Variants in KCNH5 observed in about 807,000 individuals in gnomAD.
KCNH5 encodes the protein voltage-gated delayed rectifier potassium channel KCNH5.
Under a neutral mutation model 96.1 loss-of-function variants are expected in KCNH5, and 46 were observed. The observed-to-expected ratio is 0.48, with a 90% CI of 0.38 to 0.61. The LOEUF (loss-of-function observed/expected upper bound fraction) is 0.61. Ranked by LOEUF, KCNH5 falls within the 20% of genes least tolerant of loss-of-function variation. The pLI, the probability that KCNH5 is intolerant of heterozygous loss-of-function variation, is 0.00. For synonymous variants in KCNH5, 439 were observed against 449.8 expected, an observed-to-expected ratio of 0.98 and a Z score of 0.30; for missense variants, 907 against 1,225.8, an observed-to-expected ratio of 0.74 and a Z score of 3.88.
intron 6 of KCNH5, among the ~76,000 whole-genome samples, chr14:62,959,193 C>T (rs911904487): frequency 8.6e-5 from 13 of 152,036 alleles, no homozygotes; most frequent in African/African-American, 2.9e-4. Context: ...CCCATTTACC[C>T]ACAACTCGGC....
In KCNH5 at chr14:63,016,881, T is replaced by C. The variant is rs752798442; in HGVS notation, c.147A>G (p.Lys49=). The C allele has an allele frequency of 1.8e-5, 29 of 1,611,006 alleles. No individual in the cohort carries two copies. In the Admixed American group the frequency reaches 4.7e-4, roughly 26 times the overall value. Residue 49 remains lysine, a synonymous_variant, in exon 2 of 11, where the codon AAA becomes AAG. Transcript: ENST00000322893. ...PVVYSNDGFC[K]LSGYHRADVM... is the part of the protein sequence containing the mutation. ...CGTCAGCTCGATGATATCCAGAGAG[T>C]TTACAAAAACCGTCATTACTATAAA...
At chr14:62,748,263 C>A (rs1037548234) in intron 10 of KCNH5, among the ~76,000 whole-genome samples, 1 of 152,140 alleles carries the variant, frequency 6.6e-6, no homozygotes, top group African/African-American at 2.4e-5. Flanking sequence ...ATATAGTCTG[C>A]TACAAGGGTT....
chr14:62,730,532 TTCC>T (rs1482792033), intron 10 of KCNH5, among the ~76,000 whole-genome samples: 2 of 152,228 alleles, frequency 1.3e-5, no homozygotes, highest in East Asian at 3.8e-4. Context: ...ATGACTCACA[TTCC>T]TCTTCTTTAG....
intron 7 of KCNH5, among the ~76,000 whole-genome samples, chr14:62,944,665 C>T (rs1463182873): frequency 2.0e-5 from 3 of 152,206 alleles, no homozygotes; most frequent in Middle Eastern, 6.8e-3. Context: ...GTTGACATTT[C>T]GGGTCTAACA....
rs1465191951 is a variant in KCNH5 at position 62,700,715 on chromosome 14, T to C, written c.*6793A>G. On this transcript the variant is annotated 3_prime_UTR_variant, in exon 11 of 11. Transcript: ENST00000322893. The stretch of plus-strand genomic sequence containing the variant: ...AATGAATCTTTGTTGTGATTTTGCA[T>C]AGTTTACTAGCTAGGTATTCTTCCT... 3 of 152,200 alleles carry C rather than the reference T, an allele frequency of 2.0e-5. No individual in the cohort carries two copies. Among genetic ancestry groups the C allele is most frequent in the Non-Finnish European group, 1.5e-5 (1 of 68,026 alleles). The allele number at this position is 152,200 out of a possible 1,614,324, so 9.4% of individuals were successfully genotyped here.
At chr14:62,924,231 A>G (rs1889431465) in intron 7 of KCNH5, among the ~76,000 whole-genome samples, 1 of 152,006 alleles carries the variant, frequency 6.6e-6, no homozygotes, top group Non-Finnish European at 1.5e-5. Context: ...ACTCAACATC[A>G]TTAGTCATTA....
chr14:62,874,184 A>C (rs941660576), intron 7 of KCNH5, among the ~76,000 whole-genome samples: 68 of 152,198 alleles, frequency 4.5e-4, no homozygotes, highest in African/African-American at 1.6e-3. Context: ...CTTCACAAGG[A>C]AACTCATAAT....
Position 62,736,270 on chromosome 14 carries a change from CA to C in KCNH5, c.2020-27816del, listed in dbSNP as rs1305973832. Among the ~76,000 whole-genome samples, 3 of 152,222 alleles carry C rather than the reference CA, an allele frequency of 2.0e-5. No homozygotes were observed. The East Asian group carries it at 5.8e-4, about 29-fold the overall frequency. ...AAACCTCTTAAACTGTAAGTTAGAT[CA>C]TATTACTCTTCTATTCAAAATCCTC... On this transcript the variant is annotated intron_variant, in intron 10 of 10. Transcript: ENST00000322893.
chr14:62,835,743 A>G (rs893780973), intron 8 of KCNH5, among the ~76,000 whole-genome samples: 5 of 151,972 alleles, frequency 3.3e-5, no homozygotes, highest in African/African-American at 7.2e-5. Context: ...GATCTCCTAT[A>G]AAATACCTTA....
intron 7 of KCNH5, among the ~76,000 whole-genome samples, chr14:62,912,275 A>T (rs1371916990): frequency 6.6e-6 from 1 of 152,152 alleles, no homozygotes; most frequent in Non-Finnish European, 1.5e-5. Context: ...AATAAATAGA[A>T]ATTTGGTTGA....
At chr14:62,873,339 C>T (rs1888298104) in intron 7 of KCNH5, among the ~76,000 whole-genome samples, 1 of 152,042 alleles carries the variant, frequency 6.6e-6, no homozygotes, top group African/African-American at 2.4e-5. Flanking sequence ...AAGGACAGCT[C>T]TTTATATTGT....
At chr14:62,715,868 G>A (rs540415805) in intron 10 of KCNH5, among the ~76,000 whole-genome samples, 4 of 152,106 alleles carry the variant, frequency 2.6e-5, no homozygotes, top group African/African-American at 4.8e-5. Flanking sequence ...GGAAAGGAGG[G>A]ATAGGGAAGG....
intron 1 of KCNH5, among the ~76,000 whole-genome samples, chr14:63,019,820 G>A (rs1891392401): frequency 6.6e-6 from 1 of 151,982 alleles, no homozygotes; most frequent in Non-Finnish European, 1.5e-5. Context: ...AAAAGAAAAT[G>A]TTGATAAATT....
intron 7 of KCNH5, among the ~76,000 whole-genome samples, chr14:62,946,225 A>T (rs552373571): frequency 2.0e-4 from 31 of 152,270 alleles, no homozygotes; most frequent in Admixed American, 9.8e-4. Context: ...ATAGAAAAAC[A>T]GAAATCTAGG....
chr14:62,886,318 C>A (rs1031058873), intron 7 of KCNH5, among the ~76,000 whole-genome samples: 3 of 152,172 alleles, frequency 2.0e-5, no homozygotes, highest in African/African-American at 7.2e-5. Flanking sequence ...CTGTGTAGCA[C>A]GTGAAAATTT....
At chr14:62,806,419 T>C (rs1361757585) in intron 8 of KCNH5, among the ~76,000 whole-genome samples, 1 of 152,058 alleles carries the variant, frequency 6.6e-6, no homozygotes, top group Non-Finnish European at 1.5e-5. Flanking sequence ...TCCTGTAACA[T>C]ATTTCTGGCA....
Position 62,987,199 on chromosome 14 carries a change from GGAAA to G in KCNH5, c.434-16_434-13del. 1 of 1,579,080 alleles carries G rather than the reference GGAAA, an allele frequency of 6.3e-7. No homozygotes were observed. The highest frequency in any genetic ancestry group is 1.3e-5 in the African/African-American group (1 of 74,232). On this transcript the variant is annotated splice_polypyrimidine_tract_variant and intron_variant, in intron 4 of 10. Transcript: ENST00000322893. ...AAATTTCGTCCAACCTTAAAAATAA[GGAAA>G]GAAAGTCTCAGTTTTTCATACAAAT...
chr14:62,960,234 T>C (rs1279009845), intron 6 of KCNH5, among the ~76,000 whole-genome samples: 1 of 152,150 alleles, frequency 6.6e-6, no homozygotes, highest in African/African-American at 2.4e-5. Flanking sequence ...ATTGCTTCCT[T>C]AGGGAACTTT....
At chr14:62,874,439 T>G (rs8021360) in intron 7 of KCNH5, among the ~76,000 whole-genome samples, 3,096 of 152,316 alleles carry the variant, frequency 0.02, 58 homozygotes, top group East Asian at 0.081. Flanking sequence ...CCAGTCAGAA[T>G]GGCGATTATT....
Sources: allele counts gnomAD v4.1 joint callset (sites outside exome capture counted in the v4.1 genomes callset), GRCh38; gene constraint gnomAD v4.1.1; transcripts MANE v1.5; gene names NCBI Gene and HGNC (gene_info 2026-07-23, HGNC 2026-07-21).